The following SCARA5 variants were observed in gnomAD, a reference collection of about 807,000 sequenced individuals.
The protein encoded by SCARA5 is scavenger receptor class A, member 5 (putative).
In SCARA5, 45 loss-of-function variants were observed where a neutral mutation model predicts 46.3. The ratio of observed to expected loss-of-function variants is 0.97; its 90% CI spans 0.76 to 1.24. The LOEUF (loss-of-function observed/expected upper bound fraction) is 1.24. Ranked by LOEUF, SCARA5 falls within the 50% of genes most tolerant of loss-of-function variation. The pLI is 0.00. For missense variants in SCARA5, 680 were observed against 689.0 expected, an observed-to-expected ratio of 0.99 and a Z score of 0.15; for synonymous variants, 333 against 306.5, an observed-to-expected ratio of 1.09 and a Z score of -0.90.
intron 7 of SCARA5, among the ~76,000 whole-genome samples, chr8:27,889,826 G>A (rs1395425808): frequency 6.6e-6 from 1 of 152,182 alleles, no homozygotes; most frequent in Non-Finnish European, 1.5e-5. Flanking sequence ...ATTGCACGCA[G>A]GGGAAGGATA....
At chr8:27,975,640 G>A (rs1229968167) in intron 2 of SCARA5, among the ~76,000 whole-genome samples, 1 of 152,188 alleles carries the variant, frequency 6.6e-6, no homozygotes, top group Non-Finnish European at 1.5e-5. Context: ...CATCGATTTT[G>A]GTAACCTGAA....
intron 7 of SCARA5, among the ~76,000 whole-genome samples, chr8:27,892,866 A>C (rs959210942): frequency 1.3e-5 from 2 of 152,166 alleles, no homozygotes; most frequent in African/African-American, 2.4e-5. Flanking sequence ...TGGGCCTCCC[A>C]AAGTGCTGGG....
chr8:27,937,177 G>A (rs1194078746), intron 3 of SCARA5, among the ~76,000 whole-genome samples: 2 of 152,192 alleles, frequency 1.3e-5, no homozygotes, highest in African/African-American at 4.8e-5. Context: ...AAATACTGTA[G>A]TAGTATAAAG....
chr8:27,934,619 G>C (rs1585499349), intron 3 of SCARA5, among the ~76,000 whole-genome samples: 1 of 152,282 alleles, frequency 6.6e-6, no homozygotes, highest in Admixed American at 6.5e-5. Context: ...TCTCCAGTGG[G>C]CAATTCCTGT....
At chr8:27,992,140 T>C (rs1235064603) in intron 1 of SCARA5, 117 bp downstream of exon 1, 4 of 152,254 alleles carry the variant, frequency 2.6e-5, no homozygotes, top group Non-Finnish European at 5.9e-5. Context: ...CTCCAGGCTC[T>C]AGGTCTGAAG....
intron 2 of SCARA5, among the ~76,000 whole-genome samples, chr8:27,969,771 G>T (rs1260238646): frequency 6.6e-6 from 1 of 152,086 alleles, no homozygotes; most frequent in East Asian, 1.9e-4. Context: ...GGGGTATATG[G>T]GAATGTTCTG....
intron 8 of SCARA5, among the ~76,000 whole-genome samples, chr8:27,876,531 G>A (rs879860737): frequency 6.6e-6 from 1 of 152,122 alleles, no homozygotes; most frequent in Admixed American, 6.5e-5. Context: ...CTGGTAGGAC[G>A]GTTCTGGTGA....
At chr8:27,924,446 C>G (rs1485635539) in intron 3 of SCARA5, among the ~76,000 whole-genome samples, 1 of 152,226 alleles carries the variant, frequency 6.6e-6, no homozygotes, top group Non-Finnish European at 1.5e-5. Context: ...GGTGGCCACC[C>G]TGGAGGAGAT....
At chr8:27,890,674 G>A (rs914819539) in intron 7 of SCARA5, among the ~76,000 whole-genome samples, 1 of 152,182 alleles carries the variant, frequency 6.6e-6, no homozygotes, top group Non-Finnish European at 1.5e-5. Flanking sequence ...GATCCCACCT[G>A]CTCAGGGTGG....
At chr8:27,892,459 A>C (rs4412331) in intron 7 of SCARA5, among the ~76,000 whole-genome samples, 8,709 of 152,142 alleles carry the variant, frequency 0.057, 328 homozygotes, top group Non-Finnish European at 0.085. Context: ...GTCCTGGGGA[A>C]ATTAGGAATT....
At chr8:27,935,694 A>G (rs1212568926) in intron 3 of SCARA5, among the ~76,000 whole-genome samples, 1 of 152,162 alleles carries the variant, frequency 6.6e-6, no homozygotes, top group African/African-American at 2.4e-5. Flanking sequence ...GCACTCCCAG[A>G]TCCCTGGGCC....
At chr8:27,976,842 T>C (rs746007235) in intron 2 of SCARA5, among the ~76,000 whole-genome samples, 7 of 152,106 alleles carry the variant, frequency 4.6e-5, no homozygotes, top group Admixed American at 3.3e-4. Flanking sequence ...CCTAGGACTT[T>C]GGGTGCTCCT....
intron 3 of SCARA5, among the ~76,000 whole-genome samples, chr8:27,938,835 G>T (rs1179438563): frequency 6.6e-6 from 1 of 151,990 alleles, no homozygotes. Context: ...CTCCTTTCTG[G>T]AACCTCATTT....
rs757029337 is a variant in SCARA5 at position 27,921,563 on chromosome 8, GGC to G, written c.916+6_916+7del. ...CCGTGGGTGGAGGCAGCAAGGGCCT[GGC>G]GGTACCTTTCGCGAGGGAGATGTTC... On this transcript the variant is annotated splice_donor_region_variant and intron_variant, in intron 4 of 8. Coordinates refer to ENST00000354914, the MANE Select transcript of SCARA5 (RefSeq NM_173833.6). The G allele has an allele frequency of 1.3e-6, 2 of 1,543,398 alleles. No individual in the cohort carries two copies. Among genetic ancestry groups the G allele is most frequent in the South Asian group, 1.3e-5 (1 of 79,674 alleles).
At chr8:27,977,059 G>A (rs952066810) in intron 2 of SCARA5, among the ~76,000 whole-genome samples, 41 of 152,182 alleles carry the variant, frequency 2.7e-4, no homozygotes, top group African/African-American at 8.9e-4. Context: ...CCAAGACCAA[G>A]GCACCGGCAG....
chr8:27,922,342 G>A (rs1807612602), intron 3 of SCARA5, 97 bp from the exon 4 acceptor site: 1 of 768,280 alleles, frequency 1.3e-6, no homozygotes, highest in South Asian at 2.1e-5. Flanking sequence ...TGCAGTAGGT[G>A]CTCAATAAAT....
At chr8:27,937,624 C>T (rs1807879081) in intron 3 of SCARA5, among the ~76,000 whole-genome samples, 1 of 152,226 alleles carries the variant, frequency 6.6e-6, no homozygotes, top group African/African-American at 2.4e-5. Context: ...AGGCCGCCAT[C>T]ACAAAATACC....
intron 5 of SCARA5, among the ~76,000 whole-genome samples, chr8:27,908,148 G>C (rs1006530914): frequency 1.4e-4 from 19 of 131,596 alleles, no homozygotes; most frequent in African/African-American, 5.2e-4. Context: ...TGGTACTTAG[G>C]GAGCGGGGTG....
At chr8:27,941,529 T>A (rs894169278) in intron 3 of SCARA5, among the ~76,000 whole-genome samples, 1 of 152,146 alleles carries the variant, frequency 6.6e-6, no homozygotes, top group Non-Finnish European at 1.5e-5. Flanking sequence ...ATGCAGATAT[T>A]ATCTCATTTG....
Sources: allele counts gnomAD v4.1 joint callset (sites outside exome capture counted in the v4.1 genomes callset), GRCh38; gene constraint gnomAD v4.1.1; transcripts MANE v1.5; gene names NCBI Gene and HGNC (gene_info 2026-07-23, HGNC 2026-07-21).